RAC2: variants seen among roughly 807,000 people sequenced by gnomAD.
RAC2 encodes the protein ras-related C3 botulinum toxin substrate 2.
In RAC2, 1 loss-of-function variant was observed where a neutral mutation model predicts 24.0. The ratio of observed to expected loss-of-function variants is 0.04; its 90% CI spans 0.01 to 0.20. The LOEUF (loss-of-function observed/expected upper bound fraction) is 0.20, where lower values mean the gene tolerates loss of function less well. Ranked by LOEUF, RAC2 falls within the 10% of genes least tolerant of loss-of-function variation. The probability of loss-of-function intolerance (pLI) is 1.00; values close to 1 mark genes in which losing one functional copy is unlikely to be tolerated. For missense variants in RAC2, 130 were observed against 259.1 expected, an observed-to-expected ratio of 0.50 and a Z score of 3.42; for synonymous variants, 114 against 106.8, an observed-to-expected ratio of 1.07 and a Z score of -0.41.
intron 2 of RAC2, chr22:37,241,290 C>G: frequency 1.5e-6 from 1 of 669,076 alleles, no homozygotes; most frequent in Admixed American, 2.2e-5. Context: ...TCTCCCAGCT[C>G]CTGCTCTTGC....
intron 6 of RAC2, 122 bp downstream of exon 6, chr22:37,226,549 C>T (rs11704488): frequency 0.025 from 32,664 of 1,329,416 alleles, 475 homozygotes; most frequent in Non-Finnish European, 0.03. Context: ...GAAACTGAGG[C>T]AACCTCCATA....
chr22:37,227,657 C>T (rs1472893217), intron 5 of RAC2, among the ~76,000 whole-genome samples: 1 of 98,604 alleles, frequency 1.0e-5, no homozygotes, highest in African/African-American at 4.1e-5. Flanking sequence ...CCCCTCCCAC[C>T]CCATACACCC....
At chr22:37,240,270 C>T (rs532226666) in intron 2 of RAC2, among the ~76,000 whole-genome samples, 8 of 152,326 alleles carry the variant, frequency 5.3e-5, no homozygotes, top group African/African-American at 1.7e-4. Context: ...GATCCCTGCC[C>T]CTGAAAGGGG....
intron 2 of RAC2, among the ~76,000 whole-genome samples, chr22:37,235,952 T>C (rs1927209584): frequency 6.6e-6 from 1 of 152,198 alleles, no homozygotes; most frequent in South Asian, 2.1e-4. Context: ...AAGTCTCATG[T>C]GATCCAAGAC....
At chr22:37,232,704 T>A (rs1039133296) in intron 3 of RAC2, 97 bp downstream of exon 3, 15 of 1,025,930 alleles carry the variant, frequency 1.5e-5, no homozygotes, top group Non-Finnish European at 2.3e-5. Flanking sequence ...AGGGGAGAGG[T>A]AGGGTTTCCC....
chr22:37,230,141 G>A (rs1927011971), intron 5 of RAC2, among the ~76,000 whole-genome samples: 1 of 152,116 alleles, frequency 6.6e-6, no homozygotes, highest in Non-Finnish European at 1.5e-5. Flanking sequence ...GCCATAGTCT[G>A]AGGCCCCCGG....
At chr22:37,236,737 A>G (rs972023206) in intron 2 of RAC2, among the ~76,000 whole-genome samples, 1 of 152,148 alleles carries the variant, frequency 6.6e-6, no homozygotes, top group African/African-American at 2.4e-5. Flanking sequence ...TGGTGCATTC[A>G]AGGAACCCAG....
chr22:37,238,515 C>T (rs1363195793), intron 2 of RAC2, among the ~76,000 whole-genome samples: 1 of 152,208 alleles, frequency 6.6e-6, no homozygotes, highest in African/African-American at 2.4e-5. Flanking sequence ...GCTGGGATTA[C>T]AGGCATGAGC....
chr22:37,236,987 G>A (rs553949037), intron 2 of RAC2, among the ~76,000 whole-genome samples: 69 of 152,226 alleles, frequency 4.5e-4, no homozygotes, highest in African/African-American at 1.4e-3. Flanking sequence ...TCAAGAGATC[G>A]AGACCATCCT....
At chr22:37,229,475 G>A (rs1926990938) in intron 5 of RAC2, among the ~76,000 whole-genome samples, 1 of 152,188 alleles carries the variant, frequency 6.6e-6, no homozygotes, top group African/African-American at 2.4e-5. Context: ...CGTCATAGCT[G>A]CTGTGAGAAT....
At chr22:37,233,375 T>C (rs1569090311) in intron 2 of RAC2, among the ~76,000 whole-genome samples, 1 of 152,184 alleles carries the variant, frequency 6.6e-6, no homozygotes, top group Non-Finnish European at 1.5e-5. Context: ...CTCTGCCCCC[T>C]GGGTTCAAGT....
chr22:37,238,315 C>T (rs1175123478), intron 2 of RAC2, among the ~76,000 whole-genome samples: 5 of 152,138 alleles, frequency 3.3e-5, no homozygotes, highest in South Asian at 2.1e-4. Context: ...CAGCTCAATG[C>T]AGCCGCACCC....
chr22:37,232,540 C>A (rs1927097862), intron 3 of RAC2: 1 of 527,280 alleles, frequency 1.9e-6, no homozygotes, highest in Non-Finnish European at 3.4e-6. Flanking sequence ...TGCCCCACCA[C>A]TGGAAACAGG....
Position 37,226,811 on chromosome 22 carries a change from G to T in RAC2, c.449-8C>A. On this transcript the variant is annotated splice_region_variant and splice_polypyrimidine_tract_variant and intron_variant, in intron 5 of 6. Coordinates refer to ENST00000249071, the MANE Select transcript of RAC2 (RefSeq NM_002872.5). ...CCAGGTATTTCACCGAGTCTGGTTG[G>T]GGAGATGGACAGGAGAGCCAAGGCC... The T allele has an allele frequency of 6.2e-7, 1 of 1,612,108 alleles. No individual in the cohort carries two copies. The highest frequency in any genetic ancestry group is 1.1e-5 in the South Asian group (1 of 91,022).
At position 37,234,763 on chromosome 22, in the gene RAC2, C is replaced by T. The variant is rs147584399; in HGVS notation, c.108-1845G>A. Among the ~76,000 whole-genome samples, 242 of 152,346 alleles carry T rather than the reference C, an allele frequency of 1.6e-3. 1 individual carries two copies. Among genetic ancestry groups the T allele is most frequent in the African/African-American group, 5.3e-3 (221 of 41,556 alleles). On this transcript the variant is annotated intron_variant, in intron 2 of 6. Coordinates refer to ENST00000249071, the MANE Select transcript of RAC2 (RefSeq NM_002872.5). ...ACCAACCTGGTCTCTGGCCCCCACA[C>T]CCTCCAGGCTGCCCAGCCCTCCAAG...
intron 2 of RAC2, among the ~76,000 whole-genome samples, chr22:37,238,887 T>C (rs752211314): frequency 6.6e-6 from 1 of 152,206 alleles, no homozygotes; most frequent in Non-Finnish European, 1.5e-5. Flanking sequence ...GGTCCATCCC[T>C]TTGCTGTTAA....
chr22:37,226,650 A>G, intron 6 of RAC2, 21 bp downstream of exon 6: 1 of 1,611,734 alleles, frequency 6.2e-7, no homozygotes, highest in Non-Finnish European at 8.5e-7. Flanking sequence ...GGAGTTGGGC[A>G]CTAGAGTGGG....
intron 2 of RAC2, chr22:37,240,674 C>A (rs1381194536): frequency 6.9e-6 from 2 of 290,806 alleles, no homozygotes; most frequent in Non-Finnish European, 6.7e-6. Flanking sequence ...TGGCTCCCTG[C>A]CCTCCACAGG....
chr22:37,230,369 C>T (rs1403467384), intron 5 of RAC2, among the ~76,000 whole-genome samples: 2 of 152,092 alleles, frequency 1.3e-5, no homozygotes, highest in Admixed American at 6.5e-5. Flanking sequence ...GAGGGCACAG[C>T]TCATATGACC....
Sources: allele counts gnomAD v4.1 joint callset (sites outside exome capture counted in the v4.1 genomes callset), GRCh38; gene constraint gnomAD v4.1.1; transcripts MANE v1.5; gene names NCBI Gene and HGNC (gene_info 2026-07-23, HGNC 2026-07-21).